The following PIK3C3 variants were observed in gnomAD, a reference collection of about 807,000 sequenced individuals.
PIK3C3 encodes the protein PI3-kinase type 3.
In PIK3C3, 95 loss-of-function variants were observed where a neutral mutation model predicts 126.1. The observed-to-expected ratio is 0.75, with a 90% CI of 0.64 to 0.89. PIK3C3 has a LOEUF of 0.89. Ranked by LOEUF, PIK3C3 falls within the 40% of genes least tolerant of loss-of-function variation. PIK3C3 has a pLI of 0.00. For missense variants in PIK3C3, 829 were observed against 1,063.2 expected, an observed-to-expected ratio of 0.78 and a Z score of 3.06; for synonymous variants, 374 against 360.0, an observed-to-expected ratio of 1.04 and a Z score of -0.44.
At chr18:42,009,579 GTATGTAGACTACATTATGTAATGTACAT>G (rs1345724447) in intron 10 of PIK3C3, among the ~76,000 whole-genome samples, 141 of 151,742 alleles carry the variant, frequency 9.3e-4, no homozygotes, top group African/African-American at 2.1e-3. Flanking sequence ...TGTAGTCTAA[GTATGTAGACTACATTATGTAATGTACAT>G]TATGTAGACT....
intron 15 of PIK3C3, among the ~76,000 whole-genome samples, chr18:42,031,018 G>C (rs1056991396): frequency 2.6e-5 from 4 of 152,110 alleles, no homozygotes; most frequent in African/African-American, 7.2e-5. Flanking sequence ...TATAGTTTCA[G>C]TATTGGCTAA....
At chr18:41,976,311 A>G in intron 4 of PIK3C3, among the ~76,000 whole-genome samples, 1 of 152,116 alleles carries the variant, frequency 6.6e-6, no homozygotes, top group East Asian at 1.9e-4. Context: ...TACATGTAGA[A>G]GTCCTCTTTC....
Position 41,995,882 on chromosome 18 carries a change from A to T in PIK3C3, c.787-8A>T. The T allele has an allele frequency of 1.9e-6, 3 of 1,592,412 alleles. No individual in the cohort carries two copies. Among genetic ancestry groups the T allele is most frequent in the Non-Finnish European group, 2.6e-6 (3 of 1,161,050 alleles). ...TTTACATTGTCAATATTTTAAAATA[A>T]TTTGTAGGAGAATTTAGTTGAGAGC... is the stretch of plus-strand genomic sequence containing the variant. On this transcript the variant is annotated splice_region_variant and splice_polypyrimidine_tract_variant and intron_variant, in intron 7 of 24. Coordinates refer to ENST00000262039, the MANE Select transcript of PIK3C3 (RefSeq NM_002647.4).
intron 20 of PIK3C3, among the ~76,000 whole-genome samples, chr18:42,046,698 AG>A (rs1222514781): frequency 1.3e-5 from 2 of 152,128 alleles, no homozygotes; most frequent in Non-Finnish European, 2.9e-5. Context: ...TCTGAGTATT[AG>A]TTATCTCCTC....
chr18:41,970,910 C>T (rs1426540057), intron 4 of PIK3C3: 1 of 182,136 alleles, frequency 5.5e-6, no homozygotes, highest in Non-Finnish European at 1.1e-5. Context: ...TTCAAGATGA[C>T]CACCCACTTT....
intron 21 of PIK3C3, among the ~76,000 whole-genome samples, chr18:42,052,032 G>C (rs1284932796): frequency 1.3e-5 from 2 of 151,774 alleles, no homozygotes; most frequent in Admixed American, 1.3e-4. Context: ...TGGAAAAAAA[G>C]GTAGTATTAC....
At chr18:42,038,403 G>A (rs1234857032) in intron 17 of PIK3C3, among the ~76,000 whole-genome samples, 3 of 151,622 alleles carry the variant, frequency 2.0e-5, no homozygotes, top group African/African-American at 4.9e-5. Context: ...ATGAAGTGGC[G>A]CGATCTTGGC....
chr18:42,006,265 A>T (rs1035330689), intron 10 of PIK3C3, among the ~76,000 whole-genome samples: 1 of 151,508 alleles, frequency 6.6e-6, no homozygotes, highest in South Asian at 2.1e-4. Flanking sequence ...TTCTGTCCCC[A>T]TGGAGTTTGC....
At chr18:42,059,776 T>A (rs1266533375) in intron 22 of PIK3C3, 1 of 152,002 alleles carries the variant, frequency 6.6e-6, no homozygotes, top group Non-Finnish European at 1.5e-5. Context: ...TCAACTTTTT[T>A]TTTTTTTTTT....
rs551467712 is a variant in PIK3C3 at position 42,036,075 on chromosome 18, A to G, written c.1840-1617A>G. ...TTTATCTTTAGGAAGATAACTTCCA[A>G]TTACTAGGGCTCAAGGTAATTTATA... On this transcript the variant is annotated intron_variant, in intron 16 of 24. Coordinates refer to ENST00000262039, the MANE Select transcript of PIK3C3 (RefSeq NM_002647.4). Among the ~76,000 whole-genome samples the G allele has an allele frequency of 5.9e-5, 9 of 152,334 alleles. No homozygotes were observed. In the South Asian group the frequency reaches 1.2e-3, roughly 21 times the overall value.
rs947040426 is a variant in PIK3C3 at position 42,082,857 on chromosome 18, C to T, written c.*1720C>T. On this transcript the variant is annotated 3_prime_UTR_variant, in exon 25 of 25. Transcript: ENST00000262039. ...GTATCATCTTACTCGTCTTTATAAA[C>T]TCCACAGCACTCTGCATAGATATGA... 2 of 152,194 alleles carry T rather than the reference C, an allele frequency of 1.3e-5. No individual in the cohort carries two copies. Among genetic ancestry groups the T allele is most frequent in the African/African-American group, 4.8e-5 (2 of 41,452 alleles). The allele number at this position is 152,194 out of a possible 1,614,324, so 9.4% of individuals were successfully genotyped here.
chr18:41,963,165 T>C (rs758114501), intron 3 of PIK3C3, among the ~76,000 whole-genome samples: 3 of 152,212 alleles, frequency 2.0e-5, no homozygotes, highest in Non-Finnish European at 4.4e-5. Flanking sequence ...ACTCAGTCTG[T>C]CTTTAGAGAA....
chr18:41,961,194 C>T (rs147812432), intron 2 of PIK3C3, among the ~76,000 whole-genome samples: 2 of 152,208 alleles, frequency 1.3e-5, no homozygotes, highest in African/African-American at 4.8e-5. Flanking sequence ...ATAAATTCCA[C>T]AATATTATCC....
chr18:41,973,189 G>A (rs1386415430), intron 4 of PIK3C3, among the ~76,000 whole-genome samples: 1 of 152,082 alleles, frequency 6.6e-6, no homozygotes. Flanking sequence ...AACTTTGAAT[G>A]TATTGTTTGC....
intron 10 of PIK3C3, among the ~76,000 whole-genome samples, chr18:42,004,756 T>A (rs1982461703): frequency 6.6e-6 from 1 of 152,224 alleles, no homozygotes; most frequent in African/African-American, 2.4e-5. Context: ...ATTTACTTCC[T>A]GATCTGTTAC....
intron 10 of PIK3C3, among the ~76,000 whole-genome samples, chr18:42,013,161 C>T (rs1982910309): frequency 1.4e-5 from 2 of 143,674 alleles, no homozygotes; most frequent in African/African-American, 5.2e-5. Context: ...ACGTCATTTA[C>T]TGGCCACTTA....
intron 4 of PIK3C3, among the ~76,000 whole-genome samples, chr18:41,972,675 G>A (rs1359626875): frequency 6.6e-6 from 1 of 152,084 alleles, no homozygotes; most frequent in Non-Finnish European, 1.5e-5. Context: ...AGACTAAACA[G>A]AAACCATCAA....
intron 14 of PIK3C3, among the ~76,000 whole-genome samples, chr18:42,028,479 C>A (rs991264375): frequency 6.6e-6 from 1 of 152,158 alleles, no homozygotes; most frequent in Admixed American, 6.6e-5. Flanking sequence ...TGTGGCTTGC[C>A]GCAGAAATAG....
intron 6 of PIK3C3, 130 bp from the exon 7 acceptor site, chr18:41,993,140 G>A (rs551421651): frequency 2.3e-4 from 125 of 537,102 alleles, no homozygotes; most frequent in African/African-American, 2.3e-3. Flanking sequence ...GTTAGAAGAA[G>A]ATAAGGATTT....
Sources: gnomAD v4.1 joint callset for allele counts (sites outside exome capture counted in the v4.1 genomes callset) on GRCh38, gnomAD v4.1.1 for gene constraint, MANE v1.5 for transcripts, NCBI Gene and HGNC (gene_info 2026-07-23, HGNC 2026-07-21) for gene names.